The following PRORP variants were observed in gnomAD, a reference collection of about 807,000 sequenced individuals.
PRORP encodes mitochondrial ribonuclease P catalytic subunit.
In PRORP, 51 loss-of-function variants were observed where a neutral mutation model predicts 59.4. The ratio of observed to expected loss-of-function variants is 0.86; its 90% CI spans 0.69 to 1.08. The LOEUF is 1.08. Ranked by LOEUF, PRORP falls within the 50% of genes least tolerant of loss-of-function variation. PRORP has a pLI of 0.00. For synonymous variants in PRORP, 231 were observed against 245.6 expected (o/e 0.94, Z 0.55); for missense variants, 646 against 690.3 (o/e 0.94, Z 0.72).
rs2046980586 is a variant in PRORP at position 35,123,185 on chromosome 14, G to T, written c.-61G>T. The T allele has an allele frequency of 6.6e-7, 1 of 1,518,274 alleles. No individual in the cohort carries two copies. 94.1% of individuals were successfully genotyped at this position (1,518,274 alleles called of 1,614,324 possible). A position where few individuals can be genotyped will look rare whatever the true frequency, so the allele number is the denominator to read the frequency against. ...GCCGACCCCCAATCTCTTTAATTTT[G>T]CCATAGAAGAGGGGTTTTTTCAACA... On this transcript the variant is annotated 5_prime_UTR_variant, in exon 2 of 8. Coordinates refer to ENST00000534898, the MANE Select transcript of PRORP (RefSeq NM_014672.4).
chr14:35,180,774 A>G lies in PRORP; in HGVS notation c.1272A>G (p.Gln424=), dbSNP rs756575559. ...TGTTTCCTAAAGTTCGTGAATCTCA[A>G]CTTGTAAGTATAAGTTTTACTTTGT... ...AKMFPKVRES[Q]LLLNVVSQLA... The change falls in exon 5 of 8, where the codon CAA becomes CAG. Residue 424 remains glutamine (Q), a synonymous_variant. Transcript: ENST00000534898. 1 of 1,577,562 alleles carries G rather than the reference A, an allele frequency of 6.3e-7. No homozygotes were observed. Among genetic ancestry groups the G allele is most frequent in the African/African-American group, 1.3e-5 (1 of 74,178 alleles).
chr14:35,239,606 TC>T (rs2050309396), intron 5 of PRORP, among the ~76,000 whole-genome samples: 1 of 152,182 alleles, frequency 6.6e-6, no homozygotes, highest in Non-Finnish European at 1.5e-5. Context: ...AACAAGATTC[TC>T]GTGACCTTTG....
intron 5 of PRORP, among the ~76,000 whole-genome samples, chr14:35,192,123 GCCTCT>G (rs1305523593): frequency 6.6e-6 from 1 of 152,084 alleles, no homozygotes; most frequent in Non-Finnish European, 1.5e-5. Context: ...TCTGGTCTTT[GCCTCT>G]CTTTTCAACC....
In PRORP at chr14:35,124,095, G is replaced by T. The variant is rs2047024811; in HGVS notation, c.850G>T (p.Ala284Ser). The T allele has an allele frequency of 6.2e-7, 1 of 1,613,592 alleles. No homozygotes were observed. The change falls in exon 2 of 8, where the codon GCT becomes TCT. Residue 284 changes from alanine (A) to serine (S), a missense_variant. Transcript: ENST00000534898. ...DIVPMLETLK[A>S]FFDFGKDIKD... ...TGTTCCTATGTTGGAAACTTTAAAA[G>T]CTTTCTTTGATTTTGGAAAAGACAT...
At chr14:35,262,232 G>A (rs987786351) in intron 5 of PRORP, among the ~76,000 whole-genome samples, 2 of 151,714 alleles carry the variant, frequency 1.3e-5, no homozygotes, top group Non-Finnish European at 2.9e-5. Context: ...GGCTGGTCCC[G>A]AACTCCTGGC....
rs3058430 is a variant in PRORP at position 35,180,526 on chromosome 14, C to CTGTGTGTGTG, written c.1168-128_1168-119dup. The CTGTGTGTGTG allele has an allele frequency of 3.3e-3, 1,796 of 537,466 alleles. 1 individual carries two copies. The highest frequency in any genetic ancestry group is 0.02 in the Admixed American group (590 of 29,988). The allele number at this position is 537,466 out of a possible 1,614,324, so 33.3% of individuals were successfully genotyped here. ...TTTTCAGATTTCATTTGTAGAGTAT[C>CTGTGTGTGTG]TGTGTGTGTGTGTGTGTGTGTGTGT... On this transcript the variant is annotated intron_variant, in intron 4 of 7. Coordinates refer to ENST00000534898, the MANE Select transcript of PRORP (RefSeq NM_014672.4).
Position 35,270,521 on chromosome 14 carries a change from C to G in PRORP, c.1545C>G (p.Arg515=), listed in dbSNP as rs774764426. 6.2e-7 allele frequency: 1 copy of G among 1,614,020 alleles called. No homozygotes were observed. Among genetic ancestry groups the G allele is most frequent in the Admixed American group, 1.7e-5 (1 of 59,994 alleles). ...GTCTGCCTGATGCCAAGACCCAACG[C>G]CTGTTTTTTAAGTGGCAGCAGGGAC... ...KACLPDAKTQ[R]LFFKWQQGHQ... Residue 515 remains arginine, a synonymous_variant, in exon 7 of 8, where the codon CGC becomes CGG. Transcript: ENST00000534898.
chr14:35,200,380 C>T (rs536501164), intron 5 of PRORP, among the ~76,000 whole-genome samples: 1 of 152,108 alleles, frequency 6.6e-6, no homozygotes, highest in Admixed American at 6.6e-5. Context: ...TTAGTAGAGG[C>T]AGGGTTTTAC....
intron 5 of PRORP, among the ~76,000 whole-genome samples, chr14:35,249,319 T>A (rs182530580): frequency 2.9e-4 from 44 of 152,250 alleles, no homozygotes; most frequent in South Asian, 6.2e-4. Flanking sequence ...TGGTGGTTCA[T>A]ACCTGTAATC....
chr14:35,231,629 A>G (rs993706801), intron 5 of PRORP, among the ~76,000 whole-genome samples: 2 of 152,170 alleles, frequency 1.3e-5, no homozygotes, highest in Non-Finnish European at 2.9e-5. Flanking sequence ...TGTTGAGATG[A>G]ATTGGAGTAG....
intron 6 of PRORP, among the ~76,000 whole-genome samples, chr14:35,269,095 T>A (rs2051121721): frequency 6.6e-6 from 1 of 152,174 alleles, no homozygotes; most frequent in Non-Finnish European, 1.5e-5. Flanking sequence ...TTTACCCAGG[T>A]TGAGATCATG....
intron 5 of PRORP, among the ~76,000 whole-genome samples, chr14:35,187,458 C>CTTTTTTTTTTT: frequency 6.9e-6 from 1 of 144,642 alleles, no homozygotes; most frequent in African/African-American, 2.5e-5. Flanking sequence ...TGGAGTCTCA[C>CTTTTTTTTTTT]TGTCACCGAA....
At chr14:35,246,546 T>C (rs1406080635) in intron 5 of PRORP, among the ~76,000 whole-genome samples, 1 of 152,226 alleles carries the variant, frequency 6.6e-6, no homozygotes, top group Admixed American at 6.5e-5. Context: ...AGATTTGACT[T>C]TGTTGGATCT....
chr14:35,155,471 C>G (rs1464041572), intron 4 of PRORP, among the ~76,000 whole-genome samples: 3 of 150,722 alleles, frequency 2.0e-5, no homozygotes. Flanking sequence ...ACTGTAATCC[C>G]AGCACTTCGG....
chr14:35,268,699 G>T (rs375569423), intron 6 of PRORP, among the ~76,000 whole-genome samples: 1 of 152,074 alleles, frequency 6.6e-6, no homozygotes, highest in Non-Finnish European at 1.5e-5. Context: ...GGGTTCAAGC[G>T]ATTCTCCTGC....
intron 5 of PRORP, among the ~76,000 whole-genome samples, chr14:35,204,972 T>C (rs936944021): frequency 2.0e-5 from 3 of 152,204 alleles, no homozygotes; most frequent in Non-Finnish European, 2.9e-5. Context: ...TAAGGTATTA[T>C]TTTTATTTTA....
chr14:35,166,028 A>G (rs566313302), intron 4 of PRORP, among the ~76,000 whole-genome samples: 2 of 152,186 alleles, frequency 1.3e-5, no homozygotes, highest in South Asian at 4.1e-4. Flanking sequence ...TTTTTTAAAA[A>G]AAAGATTCTT....
intron 5 of PRORP, among the ~76,000 whole-genome samples, chr14:35,182,790 G>A (rs2048647782): frequency 6.6e-6 from 1 of 152,144 alleles, no homozygotes; most frequent in South Asian, 2.1e-4. Flanking sequence ...AGTTTGAAGA[G>A]GTAGGAAGGA....
Position 35,124,006 on chromosome 14 carries a change from C to G in PRORP, c.761C>G (p.Ala254Gly), listed in dbSNP as rs757062645. 1 of 1,613,944 alleles carries G rather than the reference C, an allele frequency of 6.2e-7. No individual in the cohort carries two copies. Among genetic ancestry groups the G allele is most frequent in the African/African-American group, 1.3e-5 (1 of 75,006 alleles). ...KKNYNDCIQGALLHQDVNTAW... is the reference protein window; with the variant it reads ...KKNYNDCIQGGLLHQDVNTAW... ...AACTATAATGACTGTATCCAGGGAG[C>G]TCTCCTTCATCAAGATGTAAACACA... Residue 254 changes from alanine (A) to glycine (G), a missense_variant, in exon 2 of 8, where the codon GCT becomes GGT. Ala to Gly is a moderately conservative substitution (Grantham distance 60). Coordinates refer to ENST00000534898, the MANE Select transcript of PRORP (RefSeq NM_014672.4).
Sources: allele counts gnomAD v4.1 joint callset (sites outside exome capture counted in the v4.1 genomes callset), GRCh38; gene constraint gnomAD v4.1.1; transcripts MANE v1.5; gene names NCBI Gene and HGNC (gene_info 2026-07-23, HGNC 2026-07-21).